Variants in KCNH7 observed in about 807,000 individuals in gnomAD.
The protein encoded by KCNH7 is potassium voltage-gated channel subfamily H member 7.
KCNH7 carries 49 observed loss-of-function variants against 120.8 expected under a neutral mutation model. That is an observed-to-expected ratio of 0.41 (90% confidence interval 0.32 to 0.51). The LOEUF (loss-of-function observed/expected upper bound fraction) is 0.51, where lower values mean the gene tolerates loss of function less well. Among genes scored for constraint, KCNH7 ranks in the 20% least tolerant of loss-of-function variants. The pLI is 0.38. For synonymous variants in KCNH7, 547 were observed against 516.1 expected (o/e 1.06, Z -0.81); for missense variants, 1,097 against 1,446.6 (o/e 0.76, Z 3.92).
intron 3 of KCNH7, chr2:162,528,297 G>A (rs569837557): frequency 5.3e-5 from 8 of 152,048 alleles, no homozygotes; most frequent in African/African-American, 1.7e-4. Context: ...CAGTTTTCCA[G>A]TCTTCACTTC....
chr2:162,422,585 G>A (rs1687742573), intron 9 of KCNH7, among the ~76,000 whole-genome samples: 2 of 152,164 alleles, frequency 1.3e-5, no homozygotes, highest in East Asian at 3.9e-4. Flanking sequence ...GTAAAAGAAT[G>A]TGGGCAATTC....
chr2:162,602,927 G>C (rs1185244339), intron 2 of KCNH7, among the ~76,000 whole-genome samples: 1 of 151,168 alleles, frequency 6.6e-6, no homozygotes, highest in Non-Finnish European at 1.5e-5. Flanking sequence ...GTGAGGAGGA[G>C]GAGGAGGTTG....
intron 2 of KCNH7, among the ~76,000 whole-genome samples, chr2:162,612,706 T>G (rs1256816018): frequency 6.6e-6 from 1 of 152,006 alleles, no homozygotes; most frequent in Non-Finnish European, 1.5e-5. Flanking sequence ...TACTATATAA[T>G]TTAGTGACTG....
intron 2 of KCNH7, among the ~76,000 whole-genome samples, chr2:162,805,418 C>G (rs1035679796): frequency 1.1e-4 from 16 of 151,746 alleles, no homozygotes; most frequent in African/African-American, 2.9e-4. Context: ...AAAAAGTGAG[C>G]AAAGGACATG....
chr2:162,803,576 G>A (rs1331147523), intron 2 of KCNH7, among the ~76,000 whole-genome samples: 1 of 151,602 alleles, frequency 6.6e-6, no homozygotes, highest in Non-Finnish European at 1.5e-5. Flanking sequence ...TGTATCATGA[G>A]ATAATATAGA....
intron 6 of KCNH7, among the ~76,000 whole-genome samples, chr2:162,471,614 A>C (rs1322128051): frequency 1.8e-4 from 27 of 152,210 alleles, no homozygotes; most frequent in Admixed American, 1.2e-3. Flanking sequence ...GAAGAACATT[A>C]CATGCTCATG....
chr2:162,670,470 C>CA (rs61610131), intron 2 of KCNH7, among the ~76,000 whole-genome samples: 3,332 of 47,860 alleles, frequency 0.07, 201 homozygotes, highest in Middle Eastern at 0.15. Context: ...CGAACTCTGT[C>CA]AAAAAAAAAA....
At chr2:162,543,745 T>G (rs1692390503) in intron 2 of KCNH7, among the ~76,000 whole-genome samples, 1 of 152,090 alleles carries the variant, frequency 6.6e-6, no homozygotes, top group African/African-American at 2.4e-5. Flanking sequence ...CTCAGATTCC[T>G]CATCTATAAA....
At chr2:162,691,825 C>G (rs1431749533) in intron 2 of KCNH7, among the ~76,000 whole-genome samples, 1 of 152,040 alleles carries the variant, frequency 6.6e-6, no homozygotes, top group East Asian at 1.9e-4. Context: ...ATTGCTGTTA[C>G]TACTAATTAA....
chr2:162,649,394 C>T (rs1418009471), intron 2 of KCNH7, among the ~76,000 whole-genome samples: 1 of 152,066 alleles, frequency 6.6e-6, no homozygotes, highest in African/African-American at 2.4e-5. Context: ...GTGATTTTTA[C>T]TTTTAGATCT....
chr2:162,418,941 T>G (rs1282083414), intron 9 of KCNH7, among the ~76,000 whole-genome samples: 1 of 145,590 alleles, frequency 6.9e-6, no homozygotes, highest in Non-Finnish European at 1.5e-5. Flanking sequence ...GATCCTAAGA[T>G]TTTTTTAGCT....
chr2:162,394,244 A>T (rs76719736), intron 12 of KCNH7, 145 bp downstream of exon 12: 1 of 630,204 alleles, frequency 1.6e-6, no homozygotes, highest in Non-Finnish European at 2.8e-6. Flanking sequence ...AAACCAGATC[A>T]TTAGCTACTG....
chr2:162,810,105 C>T (rs1684686567), intron 2 of KCNH7, among the ~76,000 whole-genome samples: 1 of 41,796 alleles, frequency 2.4e-5, no homozygotes, highest in Non-Finnish European at 5.8e-5. Context: ...TTAGTAGAGA[C>T]AGGGTTTCAC....
intron 2 of KCNH7, among the ~76,000 whole-genome samples, chr2:162,821,325 A>G (rs1355196158): frequency 6.6e-6 from 1 of 152,258 alleles, no homozygotes; most frequent in East Asian, 1.9e-4. Context: ...AGAACCTTCA[A>G]CATGGAATTT....
chr2:162,457,119 T>A (rs1688989439), intron 6 of KCNH7, among the ~76,000 whole-genome samples: 2 of 152,090 alleles, frequency 1.3e-5, no homozygotes, highest in African/African-American at 4.8e-5. Context: ...TTTGGAGCCA[T>A]CCTTTCTGAA....
chr2:162,418,957 A>G (rs935388276), intron 9 of KCNH7, among the ~76,000 whole-genome samples: 7 of 151,946 alleles, frequency 4.6e-5, no homozygotes, highest in Non-Finnish European at 8.8e-5. Flanking sequence ...TAGCTTATTA[A>G]GCTAACTCGA....
chr2:162,805,793 G>A (rs1684519360), intron 2 of KCNH7, among the ~76,000 whole-genome samples: 1 of 152,082 alleles, frequency 6.6e-6, no homozygotes, highest in South Asian at 2.1e-4. Flanking sequence ...TATGTTTGTT[G>A]CAGCACAATT....
intron 2 of KCNH7, among the ~76,000 whole-genome samples, chr2:162,727,083 T>G (rs971645373): frequency 5.3e-5 from 8 of 152,156 alleles, no homozygotes; most frequent in African/African-American, 1.9e-4. Flanking sequence ...TTATTCAAAT[T>G]TAGCACTACA....
chr2:162,607,078 T>TA (rs1297294936), intron 2 of KCNH7, among the ~76,000 whole-genome samples: 1 of 151,746 alleles, frequency 6.6e-6, no homozygotes, highest in Non-Finnish European at 1.5e-5. Flanking sequence ...TGGAGAAAGA[T>TA]TAAAAATAAG....
Sources: allele counts gnomAD v4.1 joint callset (sites outside exome capture counted in the v4.1 genomes callset), GRCh38; gene constraint gnomAD v4.1.1; transcripts MANE v1.5; gene names NCBI Gene and HGNC (gene_info 2026-07-23, HGNC 2026-07-21).